The following CABIN1 variants were observed in gnomAD, a reference collection of about 807,000 sequenced individuals.
CABIN1 encodes calcineurin binding protein 1.
In CABIN1, 133 loss-of-function variants were observed where a neutral mutation model predicts 227.7. The ratio of observed to expected loss-of-function variants is 0.58; its 90% CI spans 0.51 to 0.67. The LOEUF (loss-of-function observed/expected upper bound fraction) is 0.67. CABIN1 is among the 30% of genes least tolerant of loss of function. The pLI, the probability that CABIN1 is intolerant of heterozygous loss-of-function variation, is 0.00. For missense variants in CABIN1, 2,408 were observed against 2,852.5 expected (o/e 0.84, Z 3.55); for synonymous variants, 1,086 against 1,155.1 (o/e 0.94, Z 1.21).
chr22:24,095,349 T>G (rs1263460778), intron 24 of CABIN1, among the ~76,000 whole-genome samples: 3 of 152,158 alleles, frequency 2.0e-5, no homozygotes, highest in Non-Finnish European at 4.4e-5. Context: ...CATTTTAAAT[T>G]GAGGAATGTG....
chr22:24,123,995 G>T (rs2043570612), intron 28 of CABIN1, among the ~76,000 whole-genome samples: 1 of 152,242 alleles, frequency 6.6e-6, no homozygotes, highest in Non-Finnish European at 1.5e-5. Context: ...GTGAGGCTCT[G>T]CCTGCCCAGG....
chr22:24,137,426 G>A (rs1163425770), intron 29 of CABIN1, among the ~76,000 whole-genome samples: 4 of 152,232 alleles, frequency 2.6e-5, no homozygotes, highest in African/African-American at 7.2e-5. Flanking sequence ...AGCAGTCTGA[G>A]GTTGTGTGCC....
rs536367762 is a variant in CABIN1, at chr22:24,155,241, G to A, written c.4747-9159G>A. ...TGAGTACCAGGGGCATTGGCCAGAC[G>A]CTGTGAGTGAGGCCCTCCCCTCCTG... On this transcript the variant is annotated intron_variant, in intron 29 of 36. Coordinates refer to ENST00000263119, the MANE Select transcript of CABIN1 (RefSeq NM_012295.4). 2.5e-4 allele frequency among the ~76,000 whole-genome samples: 38 copies of A among 152,266 alleles called. No individual in the cohort carries two copies. The Middle Eastern group carries it at 0.01, about 41-fold the overall frequency.
intron 28 of CABIN1, among the ~76,000 whole-genome samples, chr22:24,121,589 A>C (rs2043413248): frequency 6.6e-6 from 1 of 152,210 alleles, no homozygotes; most frequent in African/African-American, 2.4e-5. Context: ...CCTGGGTCTT[A>C]ATAAACCCCA....
intron 15 of CABIN1, among the ~76,000 whole-genome samples, chr22:24,065,128 G>A (rs1395642550): frequency 9.3e-5 from 14 of 151,048 alleles, no homozygotes; most frequent in South Asian, 2.1e-4. Context: ...CAGACGGGGC[G>A]GCTGGCCGGG....
At chr22:24,066,295 C>T (rs11090307) in intron 15 of CABIN1, among the ~76,000 whole-genome samples, 1 of 152,178 alleles carries the variant, frequency 6.6e-6, no homozygotes, top group African/African-American at 2.4e-5. Flanking sequence ...GCAGTCATTG[C>T]TCTGCTCTCC....
intron 1 of CABIN1, among the ~76,000 whole-genome samples, chr22:24,029,337 C>A (rs560714859): frequency 6.6e-6 from 1 of 152,246 alleles, no homozygotes; most frequent in East Asian, 1.9e-4. Flanking sequence ...CGCTTGAGCT[C>A]AAGGGTTCAA....
At chr22:24,062,641 G>C (rs1054768550) in intron 13 of CABIN1, among the ~76,000 whole-genome samples, 1 of 152,158 alleles carries the variant, frequency 6.6e-6, no homozygotes, top group Admixed American at 6.5e-5. Flanking sequence ...TTACAGGCAT[G>C]AGCCACTGGG....
At chr22:24,108,011 T>C (rs572275070) in intron 26 of CABIN1, among the ~76,000 whole-genome samples, 2 of 152,322 alleles carry the variant, frequency 1.3e-5, no homozygotes, top group East Asian at 3.9e-4. Flanking sequence ...CTCACGAGCA[T>C]TGTCTAAGCC....
intron 35 of CABIN1, 70 bp downstream of exon 35, chr22:24,176,345 G>A: frequency 1.3e-6 from 2 of 1,523,712 alleles, no homozygotes; most frequent in Admixed American, 1.9e-5. Flanking sequence ...GCCAGGGTGG[G>A]TTTCCCGGCC....
At chr22:24,123,694 T>G (rs1014491605) in intron 28 of CABIN1, among the ~76,000 whole-genome samples, 1 of 152,228 alleles carries the variant, frequency 6.6e-6, no homozygotes, top group Non-Finnish European at 1.5e-5. Context: ...GGGACACAAC[T>G]CCATGTTGTC....
In CABIN1 at chr22:24,176,098, C is replaced by A; in HGVS notation, c.6041-13C>A. The A allele has an allele frequency of 6.2e-7, 1 of 1,608,474 alleles. No homozygotes were observed. The highest frequency in any genetic ancestry group is 1.3e-5 in the African/African-American group (1 of 75,010). Reference sequence around the variant, plus strand: ...ATGAGTCTATTACCTGCAGTGAGCCCATGTCCCCACAGAGGGAGAAGAGCT... The same window carrying A: ...ATGAGTCTATTACCTGCAGTGAGCCAATGTCCCCACAGAGGGAGAAGAGCT... On this transcript the variant is annotated splice_polypyrimidine_tract_variant and intron_variant, in intron 34 of 36. Coordinates refer to ENST00000263119, the MANE Select transcript of CABIN1 (RefSeq NM_012295.4).
chr22:24,110,962 A>G (rs2042777606), intron 26 of CABIN1, among the ~76,000 whole-genome samples: 1 of 150,694 alleles, frequency 6.6e-6, no homozygotes, highest in South Asian at 2.1e-4. Context: ...TATTTTTGGG[A>G]AATTCTTAGT....
At chr22:24,147,457 T>C (rs1414216569) in intron 29 of CABIN1, among the ~76,000 whole-genome samples, 3 of 150,712 alleles carry the variant, frequency 2.0e-5, no homozygotes, top group South Asian at 2.1e-4. Context: ...TTCTTTCTTT[T>C]TTTTTTGAGA....
chr22:24,073,564 T>C, intron 18 of CABIN1, among the ~76,000 whole-genome samples: 1 of 151,664 alleles, frequency 6.6e-6, no homozygotes. Flanking sequence ...CAGGGCTCTG[T>C]GGCTAGGATA....
At chr22:24,128,724 G>A (rs764140226) in intron 28 of CABIN1, among the ~76,000 whole-genome samples, 2 of 152,196 alleles carry the variant, frequency 1.3e-5, no homozygotes, top group Non-Finnish European at 2.9e-5. Context: ...CTGTGCCCCC[G>A]TGCCAATGCC....
At chr22:24,098,230 G>T (rs757287006) in intron 26 of CABIN1, 38 bp downstream of exon 26, 2 of 1,612,088 alleles carry the variant, frequency 1.2e-6, no homozygotes, top group Non-Finnish European at 1.7e-6. Context: ...GCCCAGGGCG[G>T]CACATCAATC....
rs764838277 is a variant in CABIN1, at chr22:24,091,625, T to A, written c.3568T>A (p.Cys1190Ser). Residue 1190 changes from cysteine (C) to serine (S), a missense_variant, in exon 24 of 37, where the codon TGT becomes AGT. By Grantham distance (112) the Cys-to-Ser change is moderately radical. Around this residue, in one of 3 missense-constraint regions of CABIN1, gnomAD observed 649 missense variants for 910.3 expected, o/e 0.71. Transcript: ENST00000263119. ...CAGCATGCTAGAGACAGCCAAGCACTGTTTCACATCAGCAGCCCGCTGCGA... is the reference window on the plus strand; with the variant it reads ...CAGCATGCTAGAGACAGCCAAGCACAGTTTCACATCAGCAGCCCGCTGCGA... ...RDSMLETAKH[C>S]FTSAARCEGD... The A allele has an allele frequency of 6.2e-7, 1 of 1,614,212 alleles. No individual in the cohort carries two copies. The highest frequency in any genetic ancestry group is 1.1e-5 in the South Asian group (1 of 91,084).
chr22:24,080,950 G>A (rs2040767923), intron 19 of CABIN1, among the ~76,000 whole-genome samples: 1 of 151,836 alleles, frequency 6.6e-6, no homozygotes, highest in Non-Finnish European at 1.5e-5. Flanking sequence ...CTTTGCCAGG[G>A]GTCACCAAAG....
Sources: gnomAD v4.1 joint callset for allele counts (sites outside exome capture counted in the v4.1 genomes callset) on GRCh38, gnomAD v4.1.1 for gene constraint, gnomAD v4.1.1 regional missense constraint, MANE v1.5 for transcripts, NCBI Gene and HGNC (gene_info 2026-07-23, HGNC 2026-07-21) for gene names.